The following THSD4 variants were observed in gnomAD, a reference collection of about 807,000 sequenced individuals.
The protein encoded by THSD4 is thrombospondin type-1 domain-containing protein 4.
In THSD4, 69 loss-of-function variants were observed where a neutral mutation model predicts 119.0. The observed-to-expected ratio is 0.58, with a 90% confidence interval of 0.48 to 0.71. The LOEUF is 0.71. Among genes scored for constraint, THSD4 ranks in the 30% least tolerant of loss-of-function variants. The probability of loss-of-function intolerance (pLI) is 0.00; values close to 1 mark genes in which losing one functional copy is unlikely to be tolerated. For missense variants in THSD4, 1,393 were observed against 1,391.1 expected, an observed-to-expected ratio of 1.00 and a Z score of -0.02; for synonymous variants, 524 against 540.4, an observed-to-expected ratio of 0.97 and a Z score of 0.42.
At chr15:71,160,941 C>A (rs2043244604) in intron 3 of THSD4, among the ~76,000 whole-genome samples, 1 of 151,774 alleles carries the variant, frequency 6.6e-6, no homozygotes. Context: ...GAGAAAAGCA[C>A]CAAAAAACCT....
chr15:71,508,765 C>T (rs2048233745), intron 7 of THSD4, among the ~76,000 whole-genome samples: 1 of 152,092 alleles, frequency 6.6e-6, no homozygotes, highest in Non-Finnish European at 1.5e-5. Flanking sequence ...TATGTTGGAT[C>T]CTGCTGCTTC....
At chr15:71,357,692 T>C (rs1180733928) in intron 6 of THSD4, among the ~76,000 whole-genome samples, 3 of 151,730 alleles carry the variant, frequency 2.0e-5, no homozygotes, top group Non-Finnish European at 2.9e-5. Context: ...GGAAGGGGAG[T>C]GCACATCAGG....
At chr15:71,669,769 A>T (rs546652560) in intron 8 of THSD4, among the ~76,000 whole-genome samples, 1 of 152,298 alleles carries the variant, frequency 6.6e-6, no homozygotes, top group African/African-American at 2.4e-5. Flanking sequence ...AGCAGAGCCC[A>T]GTATGCTGCC....
intron 6 of THSD4, among the ~76,000 whole-genome samples, chr15:71,279,316 T>C (rs2044625709): frequency 6.6e-6 from 1 of 152,236 alleles, no homozygotes; most frequent in African/African-American, 2.4e-5. Context: ...CCTGTAGATA[T>C]TGGCGGCTTT....
At chr15:71,545,970 A>G (rs762120123) in intron 7 of THSD4, among the ~76,000 whole-genome samples, 4 of 152,180 alleles carry the variant, frequency 2.6e-5, no homozygotes, top group Non-Finnish European at 5.9e-5. Flanking sequence ...TCAAGTGTTT[A>G]TTAATTTACT....
intron 7 of THSD4, among the ~76,000 whole-genome samples, chr15:71,513,762 C>A (rs1177544578): frequency 6.6e-6 from 1 of 152,056 alleles, no homozygotes; most frequent in South Asian, 2.1e-4. Context: ...CGTAGTAGCT[C>A]AAAACTGGAA....
At chr15:71,510,590 G>A (rs2048266648) in intron 7 of THSD4, among the ~76,000 whole-genome samples, 2 of 152,300 alleles carry the variant, frequency 1.3e-5, no homozygotes, top group African/African-American at 4.8e-5. Context: ...CAGCATGGGA[G>A]CAAACAGCAG....
At chr15:71,338,174 A>G (rs1263936189) in intron 6 of THSD4, among the ~76,000 whole-genome samples, 1 of 152,104 alleles carries the variant, frequency 6.6e-6, no homozygotes, top group Non-Finnish European at 1.5e-5. Context: ...TGAATCCTGG[A>G]GTTTCCCTAA....
rs377139936 is a variant in THSD4 at position 71,262,820 on chromosome 15, T to C, written c.1015+6105T>C. Among the ~76,000 whole-genome samples the C allele has an allele frequency of 2.2e-4, 33 of 152,288 alleles. 1 individual carries two copies. Among genetic ancestry groups the C allele is most frequent in the East Asian group, 1.7e-3 (9 of 5,178 alleles). ...GACAAAAGCTTGCCTGCTGTTCACC[T>C]TCCACGTGTAAGGGTGGGTGTATTT... On this transcript the variant is annotated intron_variant, in intron 6 of 17. Coordinates refer to ENST00000261862, the MANE Select transcript of THSD4 (RefSeq NM_024817.3).
intron 7 of THSD4, among the ~76,000 whole-genome samples, chr15:71,491,037 C>T (rs1010156400): frequency 1.1e-4 from 16 of 152,068 alleles, no homozygotes; most frequent in African/African-American, 3.4e-4. Context: ...TTTTTGTGTG[C>T]ATGTATGGTA....
rs182730911 is a variant in THSD4, at chr15:71,276,663, A to C, written c.1015+19948A>C. Among the ~76,000 whole-genome samples the C allele has an allele frequency of 3.9e-5, 6 of 152,342 alleles. No individual in the cohort carries two copies. In the East Asian group the frequency reaches 1.2e-3, roughly 29 times the overall value. ...GCTCGAAAATTTGAGATGAGTCTCTATTCTTTATTAAAGACGATGAGCTTC... is the reference window on the plus strand; with the variant it reads ...GCTCGAAAATTTGAGATGAGTCTCTCTTCTTTATTAAAGACGATGAGCTTC... On this transcript the variant is annotated intron_variant, in intron 6 of 17. Transcript: ENST00000261862.
intron 6 of THSD4, among the ~76,000 whole-genome samples, chr15:71,402,872 C>T (rs2046556080): frequency 6.6e-6 from 1 of 152,080 alleles, no homozygotes; most frequent in Admixed American, 6.6e-5. Flanking sequence ...TCTGACTTTC[C>T]CTGTTGTTGA....
chr15:71,336,007 AG>A (rs1262670568), intron 6 of THSD4, among the ~76,000 whole-genome samples: 1 of 152,170 alleles, frequency 6.6e-6, no homozygotes, highest in Non-Finnish European at 1.5e-5. Flanking sequence ...AATGAAAAAA[AG>A]AATCTCAATC....
In THSD4 at chr15:71,273,047, A is replaced by G. The variant is rs147045374; in HGVS notation, c.1015+16332A>G. 4.3e-3 allele frequency among the ~76,000 whole-genome samples: 650 copies of G among 152,298 alleles called. 5 individuals carry two copies. Among genetic ancestry groups the G allele is most frequent in the Non-Finnish European group, 7.1e-3 (481 of 68,016 alleles). ...ATTCTGCAGTCCCACTTCTGGGTATATAGCCACAGGAATGTAAAGCAGTGT... is the reference window on the plus strand; with the variant it reads ...ATTCTGCAGTCCCACTTCTGGGTATGTAGCCACAGGAATGTAAAGCAGTGT... On this transcript the variant is annotated intron_variant, in intron 6 of 17. Coordinates refer to ENST00000261862, the MANE Select transcript of THSD4 (RefSeq NM_024817.3).
intron 7 of THSD4, among the ~76,000 whole-genome samples, chr15:71,587,923 G>A (rs1029328542): frequency 1.3e-5 from 2 of 152,002 alleles, no homozygotes; most frequent in African/African-American, 4.8e-5. Context: ...CTTGGAAGCT[G>A]GGACTTTTGA....
At chr15:71,519,157 A>G (rs952151676) in intron 7 of THSD4, among the ~76,000 whole-genome samples, 10 of 152,108 alleles carry the variant, frequency 6.6e-5, no homozygotes, top group African/African-American at 2.4e-4. Flanking sequence ...TGTTGGGGGC[A>G]GAGGAAACAG....
intron 12 of THSD4, among the ~76,000 whole-genome samples, chr15:71,746,400 C>T (rs1458892651): frequency 6.6e-6 from 1 of 151,860 alleles, no homozygotes; most frequent in African/African-American, 2.4e-5. Context: ...TTTTCTTTTT[C>T]TTTTCTTTTT....
At chr15:71,361,795 G>T (rs2140420629) in intron 6 of THSD4, among the ~76,000 whole-genome samples, 1 of 152,262 alleles carries the variant, frequency 6.6e-6, no homozygotes, top group Non-Finnish European at 1.5e-5. Flanking sequence ...CATACAAAGG[G>T]ATATGAAATC....
intron 7 of THSD4, among the ~76,000 whole-genome samples, chr15:71,564,033 CTAAA>C (rs1264043355): frequency 1.3e-5 from 2 of 152,128 alleles, no homozygotes; most frequent in Non-Finnish European, 2.9e-5. Flanking sequence ...ATATTAAAAA[CTAAA>C]TAGTTTTTTG....
Sources: allele counts gnomAD v4.1 joint callset (sites outside exome capture counted in the v4.1 genomes callset), GRCh38; gene constraint gnomAD v4.1.1; transcripts MANE v1.5; gene names NCBI Gene and HGNC (gene_info 2026-07-23, HGNC 2026-07-21).